The following ARSB variants were observed in gnomAD, a reference collection of about 807,000 sequenced individuals.
ARSB encodes N-acetylgalactosamine-4-sulfatase.
Under a neutral mutation model 50.9 loss-of-function variants are expected in ARSB, and 41 were observed. The observed-to-expected ratio is 0.81, with a 90% CI of 0.63 to 1.04. The LOEUF (loss-of-function observed/expected upper bound fraction) is 1.04. Among genes scored for constraint, ARSB ranks in the 50% least tolerant of loss-of-function variants. The probability of loss-of-function intolerance (pLI) is 0.00; values close to 1 mark genes in which losing one functional copy is unlikely to be tolerated. For synonymous variants in ARSB, 269 were observed against 284.8 expected (o/e 0.94, Z 0.56); for missense variants, 672 against 693.3 (o/e 0.97, Z 0.35).
chr5:78,829,808 A>G (rs1300463202), intron 6 of ARSB, among the ~76,000 whole-genome samples: 1 of 152,226 alleles, frequency 6.6e-6, no homozygotes, highest in African/African-American at 2.4e-5. Flanking sequence ...TTCATTGGAT[A>G]TGTTCCCTAA....
intron 4 of ARSB, among the ~76,000 whole-genome samples, chr5:78,944,003 C>G (rs1751077561): frequency 6.6e-6 from 1 of 152,168 alleles, no homozygotes; most frequent in Non-Finnish European, 1.5e-5. Flanking sequence ...CTCTAAACTT[C>G]TCTTCTCACT....
At chr5:78,848,677 G>C (rs1745582937) in intron 5 of ARSB, among the ~76,000 whole-genome samples, 2 of 152,130 alleles carry the variant, frequency 1.3e-5, no homozygotes, top group African/African-American at 2.4e-5. Context: ...CTAGTTTACA[G>C]TCCCACCAAC....
intron 4 of ARSB, among the ~76,000 whole-genome samples, chr5:78,952,995 G>C (rs1299372660): frequency 6.6e-6 from 1 of 152,058 alleles, no homozygotes; most frequent in Non-Finnish European, 1.5e-5. Context: ...TGCTATGCCA[G>C]GATATTCAAA....
intron 6 of ARSB, among the ~76,000 whole-genome samples, chr5:78,795,892 T>C (rs1268489847): frequency 6.6e-6 from 1 of 152,230 alleles, no homozygotes; most frequent in Non-Finnish European, 1.5e-5. Context: ...TTAAAAGTCC[T>C]AGTGAAAAAA....
chr5:78,868,635 C>G lies in ARSB; in HGVS notation c.1142+16949G>C, dbSNP rs368076983. Among the ~76,000 whole-genome samples the G allele has an allele frequency of 2.1e-3, 312 of 148,584 alleles. 11 individuals carry two copies. The East Asian group carries it at 0.056, about 27-fold the overall frequency. Reference sequence around the variant, plus strand: ...GCTGACCGATTTTGTCACCACCAGGCCTGCCCTAAAAGAGCTCCTGAAGGA... The same window carrying G: ...GCTGACCGATTTTGTCACCACCAGGGCTGCCCTAAAAGAGCTCCTGAAGGA... On this transcript the variant is annotated intron_variant, in intron 5 of 7. Transcript: ENST00000264914.
intron 4 of ARSB, among the ~76,000 whole-genome samples, chr5:78,891,298 G>T (rs996275497): frequency 8.5e-5 from 13 of 152,332 alleles, no homozygotes; most frequent in African/African-American, 3.1e-4. Flanking sequence ...GGCAAGGGGT[G>T]CTCTTGGACC....
intron 4 of ARSB, among the ~76,000 whole-genome samples, chr5:78,891,304 G>C (rs1748280489): frequency 6.6e-6 from 1 of 152,182 alleles, no homozygotes; most frequent in African/African-American, 2.4e-5. Context: ...GGGTGCTCTT[G>C]GACCCCAGTG....
At chr5:78,793,328 G>A (rs1345746903) in intron 6 of ARSB, among the ~76,000 whole-genome samples, 1 of 152,126 alleles carries the variant, frequency 6.6e-6, no homozygotes, top group African/African-American at 2.4e-5. Context: ...GGGCACCTAG[G>A]AGACATTCAA....
chr5:78,816,069 T>C, intron 6 of ARSB: 2 of 1,614,066 alleles, frequency 1.2e-6, no homozygotes, highest in South Asian at 2.2e-5. Flanking sequence ...TCATCTTCAG[T>C]AGAAAGTTGG....
chr5:78,976,131 A>G (rs935046072), intron 1 of ARSB, among the ~76,000 whole-genome samples: 1 of 152,096 alleles, frequency 6.6e-6, no homozygotes, highest in Non-Finnish European at 1.5e-5. Flanking sequence ...AAGCGATATC[A>G]AGAAACCAAT....
intron 5 of ARSB, among the ~76,000 whole-genome samples, chr5:78,861,828 T>C (rs1323157920): frequency 1.3e-5 from 2 of 152,224 alleles, no homozygotes; most frequent in Non-Finnish European, 2.9e-5. Flanking sequence ...AAATTGTCCC[T>C]GTTTGCACAT....
intron 4 of ARSB, among the ~76,000 whole-genome samples, chr5:78,891,872 C>T (rs951788704): frequency 6.6e-6 from 1 of 152,178 alleles, no homozygotes; most frequent in Non-Finnish European, 1.5e-5. Context: ...TTATGACCAT[C>T]ATCACTTTCC....
chr5:78,818,841 G>A (rs1341842985), intron 6 of ARSB, among the ~76,000 whole-genome samples: 1 of 151,818 alleles, frequency 6.6e-6, no homozygotes. Context: ...TTCTCCTTAA[G>A]CAACCTTGCT....
At chr5:78,952,616 C>T (rs112359857) in intron 4 of ARSB, among the ~76,000 whole-genome samples, 1,628 of 152,246 alleles carry the variant, frequency 0.011, 29 homozygotes, top group African/African-American at 0.037. Context: ...GGATCACAAG[C>T]GTCAGCCACC....
chr5:78,868,475 C>G (rs1392287085), intron 5 of ARSB, among the ~76,000 whole-genome samples: 5 of 120,996 alleles, frequency 4.1e-5, no homozygotes, highest in African/African-American at 1.6e-4. Context: ...TGGCAGAAAC[C>G]CTACAAGCCA....
chr5:78,848,689 G>C (rs1432074757), intron 5 of ARSB, among the ~76,000 whole-genome samples: 1 of 152,170 alleles, frequency 6.6e-6, no homozygotes, highest in Non-Finnish European at 1.5e-5. Context: ...CCCACCAACA[G>C]TGCAAAAGTA....
intron 4 of ARSB, among the ~76,000 whole-genome samples, chr5:78,942,021 G>A (rs1174532548): frequency 6.6e-6 from 1 of 152,178 alleles, no homozygotes; most frequent in African/African-American, 2.4e-5. Flanking sequence ...GAGGGTGTAT[G>A]TATCCAGTAA....
intron 5 of ARSB, among the ~76,000 whole-genome samples, chr5:78,850,120 G>T (rs1423975195): frequency 6.6e-6 from 1 of 151,914 alleles, no homozygotes; most frequent in African/African-American, 2.4e-5. Flanking sequence ...TGGTGAGAGA[G>T]GGCATCCCTG....
intron 3 of ARSB, among the ~76,000 whole-genome samples, chr5:78,956,352 C>T (rs1751724374): frequency 6.6e-6 from 1 of 151,894 alleles, no homozygotes; most frequent in Admixed American, 6.6e-5. Context: ...TTGCCTGGGG[C>T]TGTAGGAAAT....
Sources: gnomAD v4.1 joint callset for allele counts (sites outside exome capture counted in the v4.1 genomes callset) on GRCh38, gnomAD v4.1.1 for gene constraint, MANE v1.5 for transcripts, NCBI Gene and HGNC (gene_info 2026-07-23, HGNC 2026-07-21) for gene names.